The following ACP3 variants were observed in gnomAD, a reference collection of about 807,000 sequenced individuals.
ACP3 encodes prostatic acid phosphatase.
A neutral mutation model predicts 45.6 loss-of-function variants in ACP3; 38 were observed. The ratio of observed to expected loss-of-function variants is 0.83; its 90% confidence interval spans 0.64 to 1.09. The LOEUF is 1.09. Among genes scored for constraint, ACP3 ranks in the 50% least tolerant of loss-of-function variants. ACP3 has a pLI of 0.00. For missense variants in ACP3, 466 were observed against 463.2 expected, an observed-to-expected ratio of 1.01 and a Z score of -0.05; for synonymous variants, 162 against 164.7, an observed-to-expected ratio of 0.98 and a Z score of 0.13.
chr3:132,350,889 G>A (rs1024237040), intron 8 of ACP3, among the ~76,000 whole-genome samples: 10 of 152,204 alleles, frequency 6.6e-5, no homozygotes, highest in African/African-American at 2.4e-4. Flanking sequence ...AGGATATGGT[G>A]TAGAAAGCTT....
intron 1 of ACP3, among the ~76,000 whole-genome samples, chr3:132,320,153 C>T (rs1006053926): frequency 2.0e-5 from 3 of 152,158 alleles, no homozygotes; most frequent in Admixed American, 6.5e-5. Context: ...CATGCTAATA[C>T]GCACTGTGGC....
chr3:132,359,215 C>T (rs572477669), downstream of ACP3, among the ~76,000 whole-genome samples: 27 of 152,252 alleles, frequency 1.8e-4, no homozygotes, highest in East Asian at 4.6e-3. Context: ...AACTGTACCA[C>T]GTAAAATCAG....
At chr3:132,350,417 G>A (rs1426542624) in intron 8 of ACP3, among the ~76,000 whole-genome samples, 1 of 152,198 alleles carries the variant, frequency 6.6e-6, no homozygotes, top group Non-Finnish European at 1.5e-5. Flanking sequence ...AGAAGTGGAA[G>A]GCCAGGAATG....
chr3:132,340,795 C>T (rs2107805726), intron 5 of ACP3, among the ~76,000 whole-genome samples: 1 of 152,136 alleles, frequency 6.6e-6, no homozygotes, highest in Non-Finnish European at 1.5e-5. Context: ...TTATAATATG[C>T]TTTAATATCT....
chr3:132,367,950 G>C, exon 11 of ACP3: 4 of 738,622 alleles, frequency 5.4e-6, no homozygotes, highest in Admixed American at 2.1e-5. Flanking sequence ...AATCTGCCCA[G>C]AGCAGGGTCT....
intron 10 of ACP3, among the ~76,000 whole-genome samples, chr3:132,364,348 AAAAAACAAAAAC>A (rs147584177): frequency 6.6e-6 from 1 of 151,594 alleles, no homozygotes; most frequent in African/African-American, 2.4e-5. Flanking sequence ...ACCCTATCTC[AAAAAACAAAAAC>A]AAAAACAAAA....
At chr3:132,362,476 T>C (rs1411500508), downstream of ACP3, among the ~76,000 whole-genome samples, 2 of 152,126 alleles carry the variant, frequency 1.3e-5, no homozygotes, top group Non-Finnish European at 2.9e-5. Context: ...GCTTGCTGAG[T>C]AAACAGCAGC....
intron 3 of ACP3, 59 bp from the exon 4 acceptor site, chr3:132,332,133 G>A: frequency 6.2e-7 from 1 of 1,602,586 alleles, no homozygotes; most frequent in South Asian, 1.1e-5. Context: ...TGGCAGCTCT[G>A]TAGAAAAAAA....
chr3:132,326,245 A>G (rs2107794957), intron 1 of ACP3, among the ~76,000 whole-genome samples: 1 of 152,326 alleles, frequency 6.6e-6, no homozygotes, highest in East Asian at 1.9e-4. Context: ...AATGTCAACA[A>G]TGCTGAGGTT....
intron 2 of ACP3, among the ~76,000 whole-genome samples, chr3:132,330,673 TCAAGCAAATGACAAGTGTGA>T (rs1334581709): frequency 2.0e-5 from 3 of 152,086 alleles, no homozygotes; most frequent in African/African-American, 7.2e-5. Context: ...ATAGTGGTGG[TCAAGCAAATGACAAGTGTGA>T]CAAGCAAATG....
intron 1 of ACP3, among the ~76,000 whole-genome samples, chr3:132,323,541 A>G (rs1425254424): frequency 6.6e-6 from 1 of 152,234 alleles, no homozygotes; most frequent in Admixed American, 6.5e-5. Flanking sequence ...TGGTCAAGGG[A>G]TGTCTCTCTG....
intron 4 of ACP3, chr3:132,332,615 A>G (rs1937421370): frequency 3.3e-6 from 1 of 304,974 alleles, no homozygotes; most frequent in African/African-American, 2.1e-5. Flanking sequence ...TCATACACAG[A>G]GAGAGAGAGA....
At chr3:132,350,645 C>T (rs540183524) in intron 8 of ACP3, among the ~76,000 whole-genome samples, 23 of 152,276 alleles carry the variant, frequency 1.5e-4, no homozygotes, top group Middle Eastern at 3.4e-3. Context: ...ACATCTCCAT[C>T]ATCATGGAAG....
chr3:132,327,255 C>T (rs1465912381), intron 1 of ACP3, among the ~76,000 whole-genome samples: 1 of 152,206 alleles, frequency 6.6e-6, no homozygotes, highest in Non-Finnish European at 1.5e-5. Context: ...GTGGCTCATG[C>T]CTGTAATCCC....
rs931284152 is a variant in ACP3 at position 132,356,970 on chromosome 3, G to A, written c.*92G>A. ...TACTTTGGCCATTACCCCCAGCTTT[G>A]AGGAAAATGGGCTTTGGATGATTAT... On this transcript the variant is annotated 3_prime_UTR_variant, in exon 10 of 10. Coordinates refer to ENST00000336375, the MANE Select transcript of ACP3 (RefSeq NM_001099.5). 6.8e-7 allele frequency: 1 copy of A among 1,468,684 alleles called. No individual in the cohort carries two copies. Among genetic ancestry groups the A allele is most frequent in the Non-Finnish European group, 9.0e-7 (1 of 1,110,278 alleles). 91.0% of individuals were successfully genotyped at this position (1,468,684 alleles called of 1,614,324 possible).
At position 132,352,749 on chromosome 3, in the gene ACP3, G is replaced by GGC; in HGVS notation, c.897_898dup (p.Leu300ArgfsTer2). On this transcript the variant is annotated frameshift_variant, in exon 9 of 10. Coordinates refer to ENST00000336375, the MANE Select transcript of ACP3 (RefSeq NM_001099.5). LOFTEE classifies it high-confidence loss of function. Reference sequence around the variant, plus strand: ...ACACTACTGTGAGTGGCCTACAGATGGCGCTAGATGTTTACAACGGACTCC... The same window carrying GGC: ...ACACTACTGTGAGTGGCCTACAGATGGCGCGCTAGATGTTTACAACGGACTCC... 1.2e-6 allele frequency: 2 copies of GGC among 1,613,782 alleles called. No individual in the cohort carries two copies. The highest frequency in any genetic ancestry group is 1.7e-6 in the Non-Finnish European group (2 of 1,179,710).
At position 132,358,480 on chromosome 3, in the gene ACP3, C is replaced by T. The variant is rs1261116710; in HGVS notation, c.*1602C>T. On this transcript the variant is annotated 3_prime_UTR_variant, in exon 10 of 10. Transcript: ENST00000336375. Reference sequence around the variant, plus strand: ...GATATAGCTTTGCCATGTGGCAGATCTACATGTCTAGAGAACACTGTGCTC... The same window carrying T: ...GATATAGCTTTGCCATGTGGCAGATTTACATGTCTAGAGAACACTGTGCTC... 4 of 1,274,846 alleles carry T rather than the reference C, an allele frequency of 3.1e-6. No individual in the cohort carries two copies. Among genetic ancestry groups the T allele is most frequent in the Non-Finnish European group, 4.1e-6 (4 of 980,346 alleles). 79.0% of individuals were successfully genotyped at this position (1,274,846 alleles called of 1,614,324 possible).
At chr3:132,338,704 T>C (rs1200634046) in intron 5 of ACP3, among the ~76,000 whole-genome samples, 1 of 152,228 alleles carries the variant, frequency 6.6e-6, no homozygotes, top group African/African-American at 2.4e-5. Flanking sequence ...TGGAAAATAA[T>C]ATCACTAGAA....
At chr3:132,336,669 C>T (rs1483012917) in intron 4 of ACP3, among the ~76,000 whole-genome samples, 2 of 152,064 alleles carry the variant, frequency 1.3e-5, no homozygotes, top group East Asian at 3.9e-4. Flanking sequence ...GATCCTAAGC[C>T]TATGCCTTCA....
Sources: gnomAD v4.1 joint callset for allele counts (sites outside exome capture counted in the v4.1 genomes callset) on GRCh38, gnomAD v4.1.1 for gene constraint, MANE v1.5 for transcripts, NCBI Gene and HGNC (gene_info 2026-07-23, HGNC 2026-07-21) for gene names.